Variants in TMEM132D observed in about 807,000 individuals in gnomAD.
The protein encoded by TMEM132D is mature OL transmembrane protein.
TMEM132D carries 21 observed loss-of-function variants against 62.3 expected under a neutral mutation model. That is an observed-to-expected ratio of 0.34 (90% confidence interval 0.24 to 0.49). TMEM132D has a LOEUF of 0.49. TMEM132D is among the 20% of genes least tolerant of loss of function. The probability of loss-of-function intolerance (pLI) is 0.99; values close to 1 mark genes in which losing one functional copy is unlikely to be tolerated. For synonymous variants in TMEM132D, 621 were observed against 575.6 expected, an observed-to-expected ratio of 1.08 and a Z score of -1.13; for missense variants, 1,346 against 1,402.8, an observed-to-expected ratio of 0.96 and a Z score of 0.65.
chr12:129,266,089 T>C (rs77600124), intron 4 of TMEM132D, among the ~76,000 whole-genome samples: 13,769 of 152,144 alleles, frequency 0.09, 775 homozygotes, highest in Admixed American at 0.17. Flanking sequence ...TATGTAGACT[T>C]CTCTTGTGAA....
chr12:129,782,719 T>C (rs985073198), intron 1 of TMEM132D, among the ~76,000 whole-genome samples: 4 of 143,878 alleles, frequency 2.8e-5, no homozygotes, highest in African/African-American at 9.9e-5. Context: ...GATAAATCCA[T>C]GTAAGTCACA....
intron 2 of TMEM132D, among the ~76,000 whole-genome samples, chr12:129,679,238 C>G (rs1305563267): frequency 3.3e-5 from 5 of 151,860 alleles, no homozygotes; most frequent in Non-Finnish European, 7.4e-5. Context: ...CATGGTATAT[C>G]CATTTCTTTA....
At chr12:129,120,496 C>A (rs547657013) in intron 5 of TMEM132D, among the ~76,000 whole-genome samples, 2 of 152,248 alleles carry the variant, frequency 1.3e-5, no homozygotes, top group African/African-American at 4.8e-5. Flanking sequence ...CAAAATCTAC[C>A]TGGCCATACT....
rs553103356 is a variant in TMEM132D at position 129,506,677 on chromosome 12, T to A, written c.1115+24382A>T. Reference sequence around the variant, plus strand: ...CCACATGTAGGAGAATGAAACTGGATCTTCATCTCTCATTTTTATACAAAA... The same window carrying A: ...CCACATGTAGGAGAATGAAACTGGAACTTCATCTCTCATTTTTATACAAAA... On this transcript the variant is annotated intron_variant, in intron 3 of 8. Coordinates refer to ENST00000422113, the MANE Select transcript of TMEM132D (RefSeq NM_133448.3). Among the ~76,000 whole-genome samples the A allele has an allele frequency of 1.6e-4, 24 of 152,304 alleles. No homozygotes were observed. In the Middle Eastern group the frequency reaches 0.01, roughly 65 times the overall value.
intron 5 of TMEM132D, among the ~76,000 whole-genome samples, chr12:129,155,358 TGTTA>T (rs1246876026): frequency 1.3e-5 from 2 of 152,222 alleles, no homozygotes; most frequent in Non-Finnish European, 2.9e-5. Context: ...TTAACCACAA[TGTTA>T]GTTTTGTATA....
intron 5 of TMEM132D, among the ~76,000 whole-genome samples, chr12:129,161,598 A>G (rs1163101783): frequency 2.0e-5 from 3 of 152,184 alleles, no homozygotes; most frequent in Non-Finnish European, 4.4e-5. Flanking sequence ...CATCTTCTCT[A>G]TTACGGCTTT....
At chr12:129,721,979 T>C (rs193301522) in intron 1 of TMEM132D, among the ~76,000 whole-genome samples, 55 of 152,314 alleles carry the variant, frequency 3.6e-4, no homozygotes, top group East Asian at 1.9e-4. Flanking sequence ...CCATGTAAAT[T>C]TTAATCCTGC....
In TMEM132D at chr12:129,614,367, C is replaced by T. The variant is rs7300291; in HGVS notation, c.969-83162G>A. 1.5e-3 allele frequency among the ~76,000 whole-genome samples: 227 copies of T among 152,304 alleles called. 1 individual carries two copies. Among genetic ancestry groups the T allele is most frequent in the African/African-American group, 5.1e-3 (211 of 41,566 alleles). On this transcript the variant is annotated intron_variant, in intron 2 of 8. Coordinates refer to ENST00000422113, the MANE Select transcript of TMEM132D (RefSeq NM_133448.3). ...AGCTCAAGGCCAGAGGGACTGATGC[C>T]CTGCTGCAAAGAGGACGGGAAGGTG... is the stretch of plus-strand genomic sequence containing the variant.
At chr12:129,757,265 T>A (rs530512992) in intron 1 of TMEM132D, among the ~76,000 whole-genome samples, 1 of 152,300 alleles carries the variant, frequency 6.6e-6, no homozygotes, top group African/African-American at 2.4e-5. Flanking sequence ...TAGAAATTAC[T>A]AATGCTTGTG....
chr12:129,815,071 G>A (rs983737250), intron 1 of TMEM132D, among the ~76,000 whole-genome samples: 2 of 152,098 alleles, frequency 1.3e-5, no homozygotes, highest in African/African-American at 2.4e-5. Flanking sequence ...GCCTTTTCCT[G>A]GAACGTATTA....
chr12:129,226,842 C>G (rs1879492632), intron 4 of TMEM132D, among the ~76,000 whole-genome samples: 1 of 152,094 alleles, frequency 6.6e-6, no homozygotes, highest in African/African-American at 2.4e-5. Context: ...GAATGTTTTC[C>G]CAGGACCCCC....
At chr12:129,407,983 C>T (rs1301474204) in intron 3 of TMEM132D, among the ~76,000 whole-genome samples, 1 of 152,112 alleles carries the variant, frequency 6.6e-6, no homozygotes, top group Non-Finnish European at 1.5e-5. Flanking sequence ...CACCTGTAGC[C>T]TAACTTCACC....
chr12:129,111,177 G>A (rs1326890357), intron 5 of TMEM132D: 2 of 152,296 alleles, frequency 1.3e-5, no homozygotes, highest in African/African-American at 4.8e-5. Context: ...AAAACCTCCG[G>A]AAAGATAAAT....
chr12:129,177,860 TC>T (rs35245011), intron 5 of TMEM132D, among the ~76,000 whole-genome samples: 2 of 152,306 alleles, frequency 1.3e-5, no homozygotes, highest in Middle Eastern at 6.8e-3. Context: ...GCTCAGATCA[TC>T]CCATCACCTA....
chr12:129,140,308 A>C (rs959665930), intron 5 of TMEM132D, among the ~76,000 whole-genome samples: 1 of 152,046 alleles, frequency 6.6e-6, no homozygotes, highest in South Asian at 2.1e-4. Flanking sequence ...CACTATGTAC[A>C]TGTGTATCAA....
At chr12:129,472,447 G>A (rs924849749) in intron 3 of TMEM132D, among the ~76,000 whole-genome samples, 10 of 152,268 alleles carry the variant, frequency 6.6e-5, no homozygotes, top group African/African-American at 1.4e-4. Flanking sequence ...TTGGGGGGAC[G>A]GGGAGGGAGA....
chr12:129,675,374 G>A (rs1433620790), intron 2 of TMEM132D, among the ~76,000 whole-genome samples: 2 of 151,866 alleles, frequency 1.3e-5, no homozygotes, highest in East Asian at 1.9e-4. Context: ...GGCCTGTCGG[G>A]GGGTGGGGGG....
chr12:129,568,514 G>A (rs1308767507), intron 2 of TMEM132D, among the ~76,000 whole-genome samples: 2 of 152,186 alleles, frequency 1.3e-5, no homozygotes, highest in Non-Finnish European at 2.9e-5. Context: ...AGCATTATAT[G>A]TGAATGCATC....
intron 4 of TMEM132D, among the ~76,000 whole-genome samples, chr12:129,312,888 T>A (rs1393266688): frequency 6.6e-6 from 1 of 152,226 alleles, no homozygotes. Context: ...GGTATTTGCA[T>A]GAGCAATAGT....
Sources: gnomAD v4.1 joint callset for allele counts (sites outside exome capture counted in the v4.1 genomes callset) on GRCh38, gnomAD v4.1.1 for gene constraint, MANE v1.5 for transcripts, NCBI Gene and HGNC (gene_info 2026-07-23, HGNC 2026-07-21) for gene names.